Variants in RPTOR observed in about 807,000 individuals in gnomAD.
The protein encoded by RPTOR is regulatory-associated protein of mTOR.
A neutral mutation model predicts 169.9 loss-of-function variants in RPTOR; 21 were observed. The ratio of observed to expected loss-of-function variants is 0.12; its 90% CI spans 0.09 to 0.18. The LOEUF is 0.18. Ranked by LOEUF, RPTOR falls within the 10% of genes least tolerant of loss-of-function variation. The pLI, the probability that RPTOR is intolerant of heterozygous loss-of-function variation, is 1.00. For synonymous variants in RPTOR, 732 were observed against 753.2 expected (o/e 0.97, Z 0.46); for missense variants, 1,133 against 1,855.9 (o/e 0.61, Z 7.16).
At chr17:80,608,590 G>A (rs755322198) in intron 1 of RPTOR, among the ~76,000 whole-genome samples, 2 of 152,180 alleles carry the variant, frequency 1.3e-5, no homozygotes, top group Admixed American at 6.5e-5. Flanking sequence ...TGACTGAGGC[G>A]ACAGATGGAA....
chr17:80,874,171 C>T (rs188662759), intron 13 of RPTOR, among the ~76,000 whole-genome samples: 8 of 151,504 alleles, frequency 5.3e-5, no homozygotes, highest in East Asian at 3.9e-4. Flanking sequence ...CCACTGTAGA[C>T]GTGGGTATGT....
At chr17:80,553,252 C>G (rs1393453538) in intron 1 of RPTOR, among the ~76,000 whole-genome samples, 2 of 152,216 alleles carry the variant, frequency 1.3e-5, no homozygotes, top group East Asian at 1.9e-4. Context: ...CTCCTGCAGG[C>G]AAAGCCCAGT....
At position 80,624,620 on chromosome 17, in the gene RPTOR, A is replaced by ATATC. The variant is rs576409217; in HGVS notation, c.163-1069_163-1066dup. Among the ~76,000 whole-genome samples the ATATC allele has an allele frequency of 5.8e-4, 88 of 152,352 alleles. No homozygotes were observed. In the East Asian group the frequency reaches 0.016, roughly 28 times the overall value. On this transcript the variant is annotated intron_variant, in intron 1 of 33. Coordinates refer to ENST00000306801, the MANE Select transcript of RPTOR (RefSeq NM_020761.3). Reference sequence around the variant, plus strand: ...TTTGTCTCTGTGAGAATTAATACATATATCTGTGCACACCTGTGAGTTTGG... The same window carrying ATATC: ...TTTGTCTCTGTGAGAATTAATACATATATCTATCTGTGCACACCTGTGAGTTTGG...
intron 9 of RPTOR, among the ~76,000 whole-genome samples, chr17:80,828,432 G>C (rs549288304): frequency 6.6e-6 from 1 of 152,226 alleles, no homozygotes; most frequent in Non-Finnish European, 1.5e-5. Context: ...GGAGTCAGCA[G>C]CCCTGTCCTG....
chr17:80,685,261 G>A (rs1458145981), intron 3 of RPTOR, among the ~76,000 whole-genome samples: 4 of 120,864 alleles, frequency 3.3e-5, no homozygotes, highest in Admixed American at 1.6e-4. Flanking sequence ...TGCTCTCGGT[G>A]TAGTTTTAAT....
At chr17:80,800,307 A>G (rs538353648) in intron 7 of RPTOR, among the ~76,000 whole-genome samples, 4 of 152,270 alleles carry the variant, frequency 2.6e-5, no homozygotes, top group East Asian at 3.9e-4. Context: ...GCTGCACGAT[A>G]TGTCTTCCAA....
chr17:80,806,972 G>A lies in RPTOR; in HGVS notation c.891-15229G>A, dbSNP rs368273715. 8.5e-5 allele frequency among the ~76,000 whole-genome samples: 13 copies of A among 152,246 alleles called. No individual in the cohort carries two copies. The East Asian group carries it at 9.6e-4, about 11-fold the overall frequency. On this transcript the variant is annotated intron_variant, in intron 7 of 33. Coordinates refer to ENST00000306801, the MANE Select transcript of RPTOR (RefSeq NM_020761.3). ...AGAACTGAAGAAGGCCAGATTAACCGTACCAACTCACCCTTCTTGGGAGAA... is the reference window on the plus strand; with the variant it reads ...AGAACTGAAGAAGGCCAGATTAACCATACCAACTCACCCTTCTTGGGAGAA...
At position 80,949,471 on chromosome 17, in the gene RPTOR, T is replaced by A. The variant is rs2144065312; in HGVS notation, c.3294T>A (p.Asn1098Lys). 6.2e-7 allele frequency: 1 copy of A among 1,614,126 alleles called. No individual in the cohort carries two copies. Among genetic ancestry groups the A allele is most frequent in the Non-Finnish European group, 8.5e-7 (1 of 1,180,014 alleles). ...ATGGTGCCATCAGGGTCTGGAAGAA[T>A]TTTGCTGATTTGGAAAAGAACCCAG... Reference protein sequence around the residue: ...TDDGAIRVWKNFADLEKNPEM... With the variant: ...TDDGAIRVWKKFADLEKNPEM... The change falls in exon 28 of 34, where the codon AAT (asparagine) becomes AAA (lysine). Residue 1098 changes from asparagine to lysine, a missense_variant. Asn to Lys is a moderately conservative substitution (Grantham distance 94). Coordinates refer to ENST00000306801, the MANE Select transcript of RPTOR (RefSeq NM_020761.3).
At chr17:80,643,036 A>ATTT (rs2065565675) in intron 2 of RPTOR, among the ~76,000 whole-genome samples, 1 of 152,238 alleles carries the variant, frequency 6.6e-6, no homozygotes, top group Non-Finnish European at 1.5e-5. Context: ...TGAATGAAGA[A>ATTT]AAATATTTAA....
chr17:80,674,787 C>CAAAAAAAAAAAAAAAAAAAAAAAA (rs9319608), intron 3 of RPTOR, among the ~76,000 whole-genome samples: 1 of 89,974 alleles, frequency 1.1e-5, no homozygotes, highest in African/African-American at 4.1e-5. Flanking sequence ...GACTCTGTCT[C>CAAAAAAAAAAAAAAAAAAAAAAAA]AAAAAAAAAA....
chr17:80,731,607 GAT>G (rs1169600581), intron 5 of RPTOR, among the ~76,000 whole-genome samples: 1 of 152,164 alleles, frequency 6.6e-6, no homozygotes, highest in Non-Finnish European at 1.5e-5. Context: ...AGGCAGTTTC[GAT>G]TAAGAGGCCT....
intron 7 of RPTOR, 35 bp downstream of exon 7, chr17:80,791,544 G>GA (rs1213764721): frequency 3.2e-6 from 5 of 1,583,348 alleles, no homozygotes; most frequent in Non-Finnish European, 4.3e-6. Flanking sequence ...TGGCTCTCTG[G>GA]ATCTGATGAG....
rs533008040 is a variant in RPTOR at position 80,846,235 on chromosome 17, T to C, written c.1213-238T>C. Among the ~76,000 whole-genome samples the C allele has an allele frequency of 8.4e-3, 1,283 of 152,366 alleles. 28 individuals carry two copies. The highest frequency in any genetic ancestry group is 0.029 in the African/African-American group (1,210 of 41,598). Reference sequence around the variant, plus strand: ...CAGCTCGGTGCCCTGGCCAAAAGCCTTGGAGTCATCCTCAGCTGCTCTCTT... The same window carrying C: ...CAGCTCGGTGCCCTGGCCAAAAGCCCTGGAGTCATCCTCAGCTGCTCTCTT... On this transcript the variant is annotated intron_variant, in intron 10 of 33. Transcript: ENST00000306801.
intron 20 of RPTOR, among the ~76,000 whole-genome samples, chr17:80,899,704 T>C (rs1319013081): frequency 6.6e-6 from 1 of 152,256 alleles, no homozygotes; most frequent in Non-Finnish European, 1.5e-5. Context: ...AGACCGCGTG[T>C]AGGTGAATGA....
rs150893173 is a variant in RPTOR, at chr17:80,766,525, C to G, written c.830+12340C>G. On this transcript the variant is annotated intron_variant, in intron 6 of 33. Transcript: ENST00000306801. ...CCACCACGCCTGATCCCAGCATGTG[C>G]GTTTTCACACTTAACATATCTGGGG... is the stretch of plus-strand genomic sequence containing the variant. Among the ~76,000 whole-genome samples the G allele has an allele frequency of 6.8e-4, 103 of 152,304 alleles. 1 individual carries two copies. Among genetic ancestry groups the G allele is most frequent in the Admixed American group, 1.3e-3 (20 of 15,302 alleles).
At chr17:80,702,527 C>A (rs1236591578) in intron 3 of RPTOR, among the ~76,000 whole-genome samples, 1 of 152,196 alleles carries the variant, frequency 6.6e-6, no homozygotes, top group Non-Finnish European at 1.5e-5. Context: ...AACCTTAACA[C>A]AATGTGGTGA....
At chr17:80,591,634 C>T (rs993919488) in intron 1 of RPTOR, among the ~76,000 whole-genome samples, 1 of 152,078 alleles carries the variant, frequency 6.6e-6, no homozygotes, top group African/African-American at 2.4e-5. Context: ...CTGCCTTAGC[C>T]TCCCAAAGTG....
chr17:80,710,569 G>A (rs1455204754), intron 4 of RPTOR, among the ~76,000 whole-genome samples: 1 of 106,448 alleles, frequency 9.4e-6, no homozygotes, highest in Non-Finnish European at 2.1e-5. Context: ...TTGGTTATTT[G>A]TATGTGTGTG....
chr17:80,795,743 C>T (rs1000223867), intron 7 of RPTOR, among the ~76,000 whole-genome samples: 3 of 152,100 alleles, frequency 2.0e-5, no homozygotes, highest in Admixed American at 1.3e-4. Flanking sequence ...TCACTGGGCA[C>T]CTCCTTGCCT....
Sources: gnomAD v4.1 joint callset for allele counts (sites outside exome capture counted in the v4.1 genomes callset) on GRCh38, gnomAD v4.1.1 for gene constraint, MANE v1.5 for transcripts, NCBI Gene and HGNC (gene_info 2026-07-23, HGNC 2026-07-21) for gene names.